The following SGK3 variants were observed in gnomAD, a reference collection of about 807,000 sequenced individuals.
The protein encoded by SGK3 is serine/threonine-protein kinase Sgk3.
SGK3 carries 47 observed loss-of-function variants against 68.5 expected under a neutral mutation model. The observed-to-expected ratio is 0.69, with a 90% confidence interval of 0.54 to 0.87. The LOEUF (loss-of-function observed/expected upper bound fraction) is 0.87. SGK3 is among the 40% of genes least tolerant of loss of function. The pLI is 0.00. For synonymous variants in SGK3, 181 were observed against 189.1 expected (o/e 0.96, Z 0.35); for missense variants, 479 against 575.5 (o/e 0.83, Z 1.72).
At chr8:66,821,180 G>A (rs890918755) in intron 5 of SGK3, among the ~76,000 whole-genome samples, 3 of 151,950 alleles carry the variant, frequency 2.0e-5, no homozygotes, top group Admixed American at 1.3e-4. Context: ...ATTTTAGTCC[G>A]TTTTTTTCTC....
chr8:66,742,940 T>C (rs6987665), intron 1 of SGK3, among the ~76,000 whole-genome samples: 6,166 of 152,270 alleles, frequency 0.04, 163 homozygotes, highest in African/African-American at 0.072. Flanking sequence ...GCACACTTTG[T>C]TTTCCTGCTT....
At chr8:66,729,856 T>C (rs1468205668) in intron 1 of SGK3, among the ~76,000 whole-genome samples, 1 of 152,168 alleles carries the variant, frequency 6.6e-6, no homozygotes, top group Non-Finnish European at 1.5e-5. Context: ...GTGATTCTTC[T>C]GCCTCGGCCT....
At chr8:66,797,986 T>G (rs1415193387) in intron 2 of SGK3, among the ~76,000 whole-genome samples, 1 of 152,146 alleles carries the variant, frequency 6.6e-6, no homozygotes, top group Non-Finnish European at 1.5e-5. Context: ...TCTGACCTCA[T>G]TTTCTTCCCA....
At chr8:66,792,829 G>A (rs1215571530) in intron 1 of SGK3, among the ~76,000 whole-genome samples, 1 of 152,186 alleles carries the variant, frequency 6.6e-6, no homozygotes, top group Non-Finnish European at 1.5e-5. Context: ...CTTGAGCCTA[G>A]GAGTTTGAGG....
At chr8:66,775,909 T>A (rs970271972) in intron 1 of SGK3, among the ~76,000 whole-genome samples, 5 of 151,818 alleles carry the variant, frequency 3.3e-5, no homozygotes, top group African/African-American at 1.2e-4. Context: ...TTGCCTAACT[T>A]TTCTATGCCT....
intron 5 of SGK3, among the ~76,000 whole-genome samples, chr8:66,822,126 T>C (rs542668211): frequency 6.6e-6 from 1 of 152,256 alleles, no homozygotes; most frequent in East Asian, 1.9e-4. Context: ...ACAAATTTGC[T>C]GCCATTTGGG....
At chr8:66,782,226 G>C (rs1415636976) in intron 1 of SGK3, among the ~76,000 whole-genome samples, 1 of 152,046 alleles carries the variant, frequency 6.6e-6, no homozygotes, top group Non-Finnish European at 1.5e-5. Flanking sequence ...TATTCATAGG[G>C]TCTATTCTCT....
At chr8:66,748,922 T>C (rs1168934623) in intron 1 of SGK3, among the ~76,000 whole-genome samples, 1 of 151,614 alleles carries the variant, frequency 6.6e-6, no homozygotes, top group Non-Finnish European at 1.5e-5. Context: ...TTAGACAAGG[T>C]CTCTCTCTGT....
At chr8:66,835,630 C>A in intron 8 of SGK3, 133 bp from the exon 9 acceptor site, 1 of 957,616 alleles carries the variant, frequency 1.0e-6, no homozygotes, top group Non-Finnish European at 1.5e-6. Flanking sequence ...ATTTTTAAAA[C>A]AAAAACATGA....
chr8:66,729,387 T>C (rs1317874589), intron 1 of SGK3, among the ~76,000 whole-genome samples: 133 of 143,338 alleles, frequency 9.3e-4, no homozygotes, highest in Non-Finnish European at 1.0e-3. Context: ...ACCAGGGAGG[T>C]GGAGCTTGCA....
chr8:66,839,498 GATATATATATATATATATATATATATAT>G (rs58832541), intron 10 of SGK3, among the ~76,000 whole-genome samples: 1,472 of 41,564 alleles, frequency 0.035, 102 homozygotes, highest in South Asian at 0.12. Flanking sequence ...TATGTATGGA[GATATATATATATATATATATATATATAT>G]ATATATATAT....
intron 1 of SGK3, among the ~76,000 whole-genome samples, chr8:66,732,581 A>T (rs1413095817): frequency 2.6e-5 from 4 of 152,232 alleles, no homozygotes; most frequent in African/African-American, 9.7e-5. Flanking sequence ...ACGGTGGCTC[A>T]TGCCTGTGTT....
intron 4 of SGK3, among the ~76,000 whole-genome samples, chr8:66,807,901 A>G (rs1808228397): frequency 6.6e-6 from 1 of 152,236 alleles, no homozygotes; most frequent in Admixed American, 6.5e-5. Flanking sequence ...GGAGCTAGAT[A>G]TAACATACTT....
Position 66,751,500 on chromosome 8 carries a change from C to A in SGK3, c.-122+38667C>A, listed in dbSNP as rs1487141763. 9.2e-5 allele frequency among the ~76,000 whole-genome samples: 14 copies of A among 152,132 alleles called. No individual in the cohort carries two copies. The East Asian group carries it at 2.7e-3, about 29-fold the overall frequency. ...GTACTTTTTTAATATCATGAGTCATCACTTCTGGAAAGTTCTTATTCAGAA... is the reference window on the plus strand; with the variant it reads ...GTACTTTTTTAATATCATGAGTCATAACTTCTGGAAAGTTCTTATTCAGAA... On this transcript the variant is annotated intron_variant, in intron 1 of 16. Transcript: ENST00000521198.
chr8:66,828,506 A>G (rs750398457), intron 6 of SGK3, 148 bp from the exon 7 acceptor site: 1 of 962,962 alleles, frequency 1.0e-6, no homozygotes, highest in Non-Finnish European at 1.6e-6. Flanking sequence ...GTAAGTCTAT[A>G]CCCTTACTGA....
Position 66,836,211 on chromosome 8 carries a change from G to A in SGK3, c.741+137G>A, listed in dbSNP as rs924479617. On this transcript the variant is annotated intron_variant, in intron 10 of 16. Coordinates refer to ENST00000521198, the MANE Select transcript of SGK3 (RefSeq NM_001033578.3). ...CAATAATATTCAAGGTACTGGCTGA[G>A]TACAGGATGTGGAGAATTGTAACAC... is the stretch of plus-strand genomic sequence containing the variant. 10 of 1,152,342 alleles carry A rather than the reference G, an allele frequency of 8.7e-6. No individual in the cohort carries two copies. In the African/African-American group the frequency reaches 1.4e-4, roughly 16 times the overall value. 71.4% of individuals were successfully genotyped at this position (1,152,342 alleles called of 1,614,324 possible).
chr8:66,750,559 G>A (rs141577419), intron 1 of SGK3, among the ~76,000 whole-genome samples: 1 of 149,874 alleles, frequency 6.7e-6, no homozygotes, highest in Non-Finnish European at 1.5e-5. Flanking sequence ...ATGGTGGCAC[G>A]TGCCTGTAGT....
chr8:66,755,609 G>GA (rs1459931237), intron 1 of SGK3, among the ~76,000 whole-genome samples: 1 of 146,926 alleles, frequency 6.8e-6, no homozygotes, highest in African/African-American at 2.7e-5. Flanking sequence ...TTTCATCTCT[G>GA]AAACTCCCCC....
intron 5 of SGK3, among the ~76,000 whole-genome samples, chr8:66,815,741 A>C (rs1289201923): frequency 1.3e-5 from 2 of 152,194 alleles, no homozygotes; most frequent in African/African-American, 2.4e-5. Flanking sequence ...AGAACCCCTA[A>C]CACTATATAA....
Sources: gnomAD v4.1 joint callset for allele counts (sites outside exome capture counted in the v4.1 genomes callset) on GRCh38, gnomAD v4.1.1 for gene constraint, MANE v1.5 for transcripts, NCBI Gene and HGNC (gene_info 2026-07-23, HGNC 2026-07-21) for gene names.